The following BRIP1 variants were observed in gnomAD, a reference collection of about 807,000 sequenced individuals.
The protein encoded by BRIP1 is Fanconi anemia group J protein.
Under a neutral mutation model 119.7 loss-of-function variants are expected in BRIP1, and 88 were observed. The observed-to-expected ratio is 0.74, with a 90% CI of 0.62 to 0.88. The LOEUF (loss-of-function observed/expected upper bound fraction) is 0.88. Among genes scored for constraint, BRIP1 ranks in the 40% least tolerant of loss-of-function variants. BRIP1 has a pLI of 0.00. For missense variants in BRIP1, 1,259 were observed against 1,455.4 expected (o/e 0.87, Z 2.20); for synonymous variants, 443 against 496.5 (o/e 0.89, Z 1.43).
At chr17:61,849,505 A>C (rs760596554) in intron 4 of BRIP1, among the ~76,000 whole-genome samples, 2 of 152,210 alleles carry the variant, frequency 1.3e-5, no homozygotes, top group Non-Finnish European at 2.9e-5. Flanking sequence ...GTACTTGTAG[A>C]CTACTCCCAA....
chr17:61,681,096 A>T lies in BRIP1; in HGVS notation c.*2200T>A, dbSNP rs1007332443. On this transcript the variant is annotated 3_prime_UTR_variant, in exon 20 of 20. Coordinates refer to ENST00000259008, the MANE Select transcript of BRIP1 (RefSeq NM_032043.3). This position sits in a 1 kb window ranked among gnomAD's most constrained non-coding sequence, Gnocchi z 5.1. The stretch of plus-strand genomic sequence containing the variant: ...TCATCAGGTCTCATAAGAACTCAGT[A>T]TCACGAGAACCGCATGAGGGTAACC... 6.6e-6 allele frequency among the ~76,000 whole-genome samples: 1 copy of T among 152,226 alleles called. No individual in the cohort carries two copies. Among genetic ancestry groups the T allele is most frequent in the East Asian group, 1.9e-4 (1 of 5,152 alleles).
chr17:61,820,424 T>C (rs903620156), intron 6 of BRIP1, among the ~76,000 whole-genome samples: 6 of 152,212 alleles, frequency 3.9e-5, no homozygotes, highest in African/African-American at 1.4e-4. Flanking sequence ...AAATCCATAG[T>C]GCTGGTTTCT....
rs745782331 is a variant in BRIP1 at position 61,693,451 on chromosome 17, T to C, written c.2554A>G (p.Asn852Asp). ...LILVDDRFRNNPSRYISGLSK... is the reference protein window; with the variant it reads ...LILVDDRFRNDPSRYISGLSK... ...TTACCAGATATATAGCGACTTGGGT[T>C]ATTCCTAAAGCGATCATCCACTAGA... Residue 852 changes from asparagine (N) to aspartate (D), a missense_variant, in exon 18 of 20, where the codon AAC (asparagine) becomes GAC (aspartate). This residue lies in a region of BRIP1 where 753 missense variants were observed against 891.8 expected (regional missense o/e 0.84). Coordinates refer to ENST00000259008, the MANE Select transcript of BRIP1 (RefSeq NM_032043.3). This position sits in a 1 kb window ranked among gnomAD's most constrained non-coding sequence, Gnocchi z 4.2. The C allele has an allele frequency of 6.2e-6, 10 of 1,613,690 alleles. No individual in the cohort carries two copies. In the East Asian group the frequency reaches 2.2e-4, roughly 36 times the overall value.
rs547472154 is a variant in BRIP1 at position 61,798,118 on chromosome 17, G to C, written c.1340+982C>G. On this transcript the variant is annotated intron_variant, in intron 9 of 19. Transcript: ENST00000259008. This position sits in a 1 kb window ranked among gnomAD's most constrained non-coding sequence, Gnocchi z 5.5. ...AGTTATTCATTATAGCAGTTTAAGAGCAAAAAACTAGAAACAACCTCCTCT... is the reference window on the plus strand; with the variant it reads ...AGTTATTCATTATAGCAGTTTAAGACCAAAAAACTAGAAACAACCTCCTCT... 1.3e-5 allele frequency among the ~76,000 whole-genome samples: 2 copies of C among 151,822 alleles called. No homozygotes were observed. Among genetic ancestry groups the C allele is most frequent in the Non-Finnish European group, 2.9e-5 (2 of 67,832 alleles).
chr17:61,732,028 C>G (rs2076854847), intron 16 of BRIP1, among the ~76,000 whole-genome samples: 1 of 124,666 alleles, frequency 8.0e-6, no homozygotes, highest in Non-Finnish European at 1.6e-5. Context: ...GTCACCCAGG[C>G]TGGAGTGCAG....
Position 61,823,969 on chromosome 17 carries a change from G to A in BRIP1, c.628-15212C>T, listed in dbSNP as rs1040827469. On this transcript the variant is annotated intron_variant, in intron 6 of 19. Transcript: ENST00000259008. The surrounding 1 kb of genome is among the most constrained non-coding windows in gnomAD (Gnocchi z 4.8). ...GCAGAGATTACAGGCATGTGCCGCC[G>A]CACCTGCCTAATTTTTTGTATTTTT... is the stretch of plus-strand genomic sequence containing the variant. Among the ~76,000 whole-genome samples the A allele has an allele frequency of 2.6e-5, 4 of 152,048 alleles. No homozygotes were observed. The highest frequency in any genetic ancestry group is 6.6e-5 in the Admixed American group (1 of 15,260).
intron 6 of BRIP1, among the ~76,000 whole-genome samples, chr17:61,837,857 G>A (rs2078597880): frequency 6.6e-6 from 1 of 151,992 alleles, no homozygotes; most frequent in African/African-American, 2.4e-5. Flanking sequence ...TATAAGAAAA[G>A]GTACTGACAC....
At chr17:61,863,237 T>C (rs1224861845) in intron 1 of BRIP1, 47 bp downstream of exon 1, 2 of 152,052 alleles carry the variant, frequency 1.3e-5, no homozygotes. Flanking sequence ...GCCCGCAGGC[T>C]GTGCAGAAGA....
chr17:61,730,615 C>T lies in BRIP1; in HGVS notation c.2379+12398G>A, dbSNP rs1190052247. 6.6e-6 allele frequency among the ~76,000 whole-genome samples: 1 copy of T among 152,114 alleles called. No individual in the cohort carries two copies. The highest frequency in any genetic ancestry group is 2.4e-5 in the African/African-American group (1 of 41,434). On this transcript the variant is annotated intron_variant, in intron 16 of 19. Coordinates refer to ENST00000259008, the MANE Select transcript of BRIP1 (RefSeq NM_032043.3). The surrounding 1 kb of genome is among the most constrained non-coding windows in gnomAD (Gnocchi z 4.3). The stretch of plus-strand genomic sequence containing the variant: ...TAAGATGAACACAAGAAAATAACTT[C>T]AGAATTGTTCAAAAATCAAAACCAA...
Position 61,816,424 on chromosome 17 carries a change from AC to A in BRIP1, c.628-7668del, listed in dbSNP as rs1040445826. On this transcript the variant is annotated intron_variant, in intron 6 of 19. Transcript: ENST00000259008. The surrounding 1 kb of genome is among the most constrained non-coding windows in gnomAD (Gnocchi z 5.0). ...AACTGCAGTGGGCTAGCACATTAAG[AC>A]AGATCCTTTTCACGGTTGTTTTTTG... 9.2e-5 allele frequency among the ~76,000 whole-genome samples: 14 copies of A among 152,178 alleles called. No homozygotes were observed. The highest frequency in any genetic ancestry group is 3.4e-4 in the African/African-American group (14 of 41,448).
Position 61,683,513 on chromosome 17 carries a change from T to A in BRIP1, c.3533A>T (p.Glu1178Val), listed in dbSNP as rs752850661. Residue 1178 changes from glutamate (E) to valine (V), a missense_variant, in exon 20 of 20, where the codon GAA becomes GTA. By Grantham distance (121) the Glu-to-Val change is moderately radical. Around this residue, in one of 3 missense-constraint regions of BRIP1, gnomAD observed 753 missense variants for 891.8 expected, o/e 0.84. Coordinates refer to ENST00000259008, the MANE Select transcript of BRIP1 (RefSeq NM_032043.3). The surrounding 1 kb of genome is among the most constrained non-coding windows in gnomAD (Gnocchi z 4.7). ...TTTCACTTCTCTGGCTGAATCTACT[T>A]CTTTTATAGTTCTAATTTCAAAAAG... Reference protein sequence around the residue: ...KDLFEIRTIKEVDSAREVKAE... With the variant: ...KDLFEIRTIKVVDSAREVKAE... 1.9e-6 allele frequency: 3 copies of A among 1,613,434 alleles called. No homozygotes were observed. In the East Asian group the frequency reaches 6.7e-5, roughly 36 times the overall value.
At chr17:61,801,821 A>G (rs935421900) in intron 7 of BRIP1, among the ~76,000 whole-genome samples, 5 of 152,180 alleles carry the variant, frequency 3.3e-5, no homozygotes, top group Admixed American at 2.0e-4. Context: ...TCACAAAACA[A>G]TGGTATCACT....
rs1002479668 is a variant in BRIP1, at chr17:61,753,986, A to G, written c.2098-9395T>C. On this transcript the variant is annotated intron_variant, in intron 14 of 19. Transcript: ENST00000259008. The surrounding 1 kb of genome is among the most constrained non-coding windows in gnomAD (Gnocchi z 4.6). ...CTACTTTTAAATTTATCTAGACTCT[A>G]AACATTTCTCACTATCTTTACTGCT... is the stretch of plus-strand genomic sequence containing the variant. 6.6e-6 allele frequency among the ~76,000 whole-genome samples: 1 copy of G among 152,072 alleles called. No individual in the cohort carries two copies. The highest frequency in any genetic ancestry group is 2.4e-5 in the African/African-American group (1 of 41,402).
rs905060013 is a variant in BRIP1 at position 61,757,836 on chromosome 17, C to A, written c.2098-13245G>T. ...GCAACATGGCTAAACCCCATCTCTA[C>A]AAAAAAAATAACTGGGCATGGTGGT... On this transcript the variant is annotated intron_variant, in intron 14 of 19. Coordinates refer to ENST00000259008, the MANE Select transcript of BRIP1 (RefSeq NM_032043.3). This position sits in a 1 kb window ranked among gnomAD's most constrained non-coding sequence, Gnocchi z 4.3. 1.3e-5 allele frequency among the ~76,000 whole-genome samples: 2 copies of A among 151,162 alleles called. No individual in the cohort carries two copies. The highest frequency in any genetic ancestry group is 1.3e-4 in the Admixed American group (2 of 15,184).
Position 61,713,839 on chromosome 17 carries a change from A to G in BRIP1, c.2492+2112T>C, listed in dbSNP as rs1470749901. On this transcript the variant is annotated intron_variant, in intron 17 of 19. Transcript: ENST00000259008. This position sits in a 1 kb window ranked among gnomAD's most constrained non-coding sequence, Gnocchi z 4.9. ...CTCCCCATGTCTTCATTTTTAACAG[A>G]AAAGTTTAAAAAGTAAAAAAATAAA... 6.6e-6 allele frequency among the ~76,000 whole-genome samples: 1 copy of G among 152,080 alleles called. No homozygotes were observed. Among genetic ancestry groups the G allele is most frequent in the East Asian group, 1.9e-4 (1 of 5,192 alleles).
chr17:61,846,264 G>A lies in BRIP1; in HGVS notation c.627+837C>T, dbSNP rs866232148. ...AGAGAAAAAGAGAGAGAGAGAGAAA[G>A]AGAGAGAGAGAGAGGTTGGAGCCAA... On this transcript the variant is annotated intron_variant, in intron 6 of 19. Coordinates refer to ENST00000259008, the MANE Select transcript of BRIP1 (RefSeq NM_032043.3). The surrounding 1 kb of genome is among the most constrained non-coding windows in gnomAD (Gnocchi z 4.3). 6.7e-5 allele frequency among the ~76,000 whole-genome samples: 10 copies of A among 148,172 alleles called. No individual in the cohort carries two copies. Among genetic ancestry groups the A allele is most frequent in the African/African-American group, 2.3e-4 (9 of 38,816 alleles).
In BRIP1 at chr17:61,808,379, T is replaced by C. The variant is rs763175193; in HGVS notation, c.918+88A>G. ...TAATTTGATTTTCCGAAGTTGATTATCACTAAAATGTACATATAAAACACA... is the reference window on the plus strand; with the variant it reads ...TAATTTGATTTTCCGAAGTTGATTACCACTAAAATGTACATATAAAACACA... On this transcript the variant is annotated intron_variant, in intron 7 of 19. Transcript: ENST00000259008. The surrounding 1 kb of genome is among the most constrained non-coding windows in gnomAD (Gnocchi z 4.1). 2 of 1,361,656 alleles carry C rather than the reference T, an allele frequency of 1.5e-6. No homozygotes were observed. Among genetic ancestry groups the C allele is most frequent in the East Asian group, 4.7e-5 (2 of 42,950 alleles). The allele number at this position is 1,361,656 out of a possible 1,614,324, so 84.3% of individuals were successfully genotyped here.
In BRIP1 at chr17:61,685,937, A is replaced by C. The variant is rs4988356; in HGVS notation, c.2804T>G (p.Val935Gly). ...GACACATATCTTTGCTTCATCTTCC[A>C]CAAAATTTTCTGGTGATAGATGACT... is the stretch of plus-strand genomic sequence containing the variant. The part of the protein sequence containing the change: ...AASHLSPENF[V>G]EDEAKICVQE... The change falls in exon 19 of 20, where the codon GTG becomes GGG. Residue 935 changes from valine (V) to glycine (G), a missense_variant. Coordinates refer to ENST00000259008, the MANE Select transcript of BRIP1 (RefSeq NM_032043.3). 181 of 1,614,106 alleles carry C rather than the reference A, an allele frequency of 1.1e-4. 1 individual carries two copies. In the South Asian group the frequency reaches 1.6e-3, roughly 14 times the overall value.
At position 61,815,235 on chromosome 17, in the gene BRIP1, T is replaced by C. The variant is rs1012051057; in HGVS notation, c.628-6478A>G. On this transcript the variant is annotated intron_variant, in intron 6 of 19. Transcript: ENST00000259008. This position sits in a 1 kb window ranked among gnomAD's most constrained non-coding sequence, Gnocchi z 4.1. Reference sequence around the variant, plus strand: ...CCTCAAAAGTTTTCAACCTAATTTATTAGGAAATGGGTTCTCAAATTAGGG... The same window carrying C: ...CCTCAAAAGTTTTCAACCTAATTTACTAGGAAATGGGTTCTCAAATTAGGG... 1.3e-5 allele frequency among the ~76,000 whole-genome samples: 2 copies of C among 152,028 alleles called. No individual in the cohort carries two copies. The highest frequency in any genetic ancestry group is 2.9e-5 in the Non-Finnish European group (2 of 67,952).
Sources: gnomAD v4.1 joint callset for allele counts (sites outside exome capture counted in the v4.1 genomes callset) on GRCh38, gnomAD v4.1.1 for gene constraint, gnomAD v4.1.1 regional missense constraint, Gnocchi (gnomAD v3.1) non-coding constraint, MANE v1.5 for transcripts, NCBI Gene and HGNC (gene_info 2026-07-23, HGNC 2026-07-21) for gene names.